The following EYA4 variants were observed in gnomAD, a reference collection of about 807,000 sequenced individuals.
EYA4 encodes the protein protein phosphatase EYA4.
Under a neutral mutation model 87.9 loss-of-function variants are expected in EYA4, and 31 were observed. The ratio of observed to expected loss-of-function variants is 0.35; its 90% CI spans 0.27 to 0.48. The LOEUF (loss-of-function observed/expected upper bound fraction) is 0.48, where lower values mean the gene tolerates loss of function less well. Among genes scored for constraint, EYA4 ranks in the 20% least tolerant of loss-of-function variants. EYA4 has a pLI of 0.99. For missense variants in EYA4, 678 were observed against 761.4 expected (o/e 0.89, Z 1.29); for synonymous variants, 263 against 270.6 (o/e 0.97, Z 0.28).
intron 3 of EYA4, among the ~76,000 whole-genome samples, chr6:133,423,065 G>A (rs376130702): frequency 1.1e-4 from 17 of 152,192 alleles, no homozygotes; most frequent in African/African-American, 3.9e-4. Context: ...CTAGATATGG[G>A]CGATGGGGAA....
chr6:133,452,424 C>CT (rs1173013369), intron 5 of EYA4, among the ~76,000 whole-genome samples: 1 of 152,046 alleles, frequency 6.6e-6, no homozygotes, highest in Admixed American at 6.5e-5. Flanking sequence ...TGAATATGAA[C>CT]TTTGAGTTAT....
At chr6:133,408,195 C>T (rs896557176) in intron 3 of EYA4, among the ~76,000 whole-genome samples, 1 of 152,130 alleles carries the variant, frequency 6.6e-6, no homozygotes, top group Non-Finnish European at 1.5e-5. Flanking sequence ...GTGAACAGAC[C>T]GTCCTTCCTC....
chr6:133,332,222 G>C (rs1782019843), intron 2 of EYA4, among the ~76,000 whole-genome samples: 1 of 152,188 alleles, frequency 6.6e-6, no homozygotes, highest in East Asian at 1.9e-4. Flanking sequence ...TGAAGCCAAG[G>C]AAATCAGGGT....
chr6:133,246,715 T>G (rs1774438611), intron 1 of EYA4: 1 of 152,194 alleles, frequency 6.6e-6, no homozygotes, highest in African/African-American at 2.4e-5. Context: ...TACTATAATA[T>G]TAATCACTAT....
chr6:133,512,622 T>A (rs1799254721), intron 14 of EYA4, 99 bp from the exon 15 acceptor site: 1 of 920,022 alleles, frequency 1.1e-6, no homozygotes, highest in East Asian at 2.4e-5. Flanking sequence ...GCTGCCATCT[T>A]CTGGTGGTAG....
intron 2 of EYA4, among the ~76,000 whole-genome samples, chr6:133,376,301 A>G (rs1785676198): frequency 6.6e-6 from 1 of 151,828 alleles, no homozygotes; most frequent in Non-Finnish European, 1.5e-5. Flanking sequence ...AAGAATATAT[A>G]TTAATAAATT....
intron 3 of EYA4, among the ~76,000 whole-genome samples, chr6:133,388,263 A>G (rs159413): frequency 2.0e-5 from 3 of 151,568 alleles, no homozygotes; most frequent in African/African-American, 7.3e-5. Context: ...AAAAATTAGT[A>G]GGGCATAGTG....
intron 2 of EYA4, among the ~76,000 whole-genome samples, chr6:133,314,032 A>G (rs1324740737): frequency 6.6e-6 from 1 of 152,178 alleles, no homozygotes; most frequent in African/African-American, 2.4e-5. Flanking sequence ...TATTTAAAAA[A>G]TCTTATTTTA....
In EYA4 at chr6:133,488,230, C is replaced by A. The variant is rs117408345; in HGVS notation, c.1191+5115C>A. On this transcript the variant is annotated intron_variant, in intron 13 of 19. Coordinates refer to ENST00000355286, the MANE Select transcript of EYA4 (RefSeq NM_004100.5). Reference sequence around the variant, plus strand: ...CTAGCTCAACCACAGTAGAATAGAGCAACAGGTAGTTTCCTAATAGAGCAC... The same window carrying A: ...CTAGCTCAACCACAGTAGAATAGAGAAACAGGTAGTTTCCTAATAGAGCAC... Among the ~76,000 whole-genome samples the A allele has an allele frequency of 4.5e-3, 684 of 152,156 alleles. 5 individuals are homozygous for A. Among genetic ancestry groups the A allele is most frequent in the Non-Finnish European group, 7.2e-3 (487 of 67,986 alleles).
chr6:133,483,773 G>C (rs1796457057), intron 13 of EYA4, among the ~76,000 whole-genome samples: 2 of 150,654 alleles, frequency 1.3e-5, no homozygotes, highest in African/African-American at 4.9e-5. Context: ...CCCCAGGCTA[G>C]AGTGCAGTGA....
intron 2 of EYA4, among the ~76,000 whole-genome samples, chr6:133,316,642 T>C (rs1185073115): frequency 1.3e-5 from 2 of 152,248 alleles, no homozygotes; most frequent in Non-Finnish European, 1.5e-5. Flanking sequence ...CCTGCTGTAC[T>C]TGTACATGGC....
chr6:133,271,473 T>A (rs748039137), intron 1 of EYA4, among the ~76,000 whole-genome samples: 3 of 152,170 alleles, frequency 2.0e-5, no homozygotes, highest in Non-Finnish European at 2.9e-5. Context: ...GGCAGAAGCA[T>A]TGCGTGCAGA....
At chr6:133,513,188 G>C (rs1799306987) in intron 16 of EYA4, 150 bp downstream of exon 16, 1 of 782,510 alleles carries the variant, frequency 1.3e-6, no homozygotes, top group African/African-American at 1.8e-5. Flanking sequence ...TAGAATTGGT[G>C]GGAAAAAATT....
intron 3 of EYA4, among the ~76,000 whole-genome samples, chr6:133,408,999 C>T (rs1255408332): frequency 1.3e-5 from 2 of 152,112 alleles, no homozygotes; most frequent in Non-Finnish European, 2.9e-5. Context: ...CTGTTCTGAT[C>T]TGGATTTTAT....
At chr6:133,505,739 T>G (rs1353568714) in intron 13 of EYA4, among the ~76,000 whole-genome samples, 7 of 152,174 alleles carry the variant, frequency 4.6e-5, no homozygotes, top group African/African-American at 1.7e-4. Context: ...TTTAGTAAGT[T>G]TGCTCCATTC....
At chr6:133,385,089 G>A (rs2128485148) in intron 3 of EYA4, among the ~76,000 whole-genome samples, 1 of 152,030 alleles carries the variant, frequency 6.6e-6, no homozygotes, top group East Asian at 1.9e-4. Context: ...GATGAGGTCA[G>A]GAGATCGAGA....
In EYA4 at chr6:133,530,767, A is replaced by C; in HGVS notation, c.*1962A>C. ...TCTAAACCTTAAACTTAATCCTTTA[A>C]ATTTTGTAGCTTTTGGCTGCATCTG... On this transcript the variant is annotated 3_prime_UTR_variant, in exon 20 of 20. Coordinates refer to ENST00000355286, the MANE Select transcript of EYA4 (RefSeq NM_004100.5). The C allele has an allele frequency of 1.0e-6, 1 of 987,136 alleles. No individual in the cohort carries two copies. Among genetic ancestry groups the C allele is most frequent in the East Asian group, 1.1e-4 (1 of 8,850 alleles). 61.1% of individuals were successfully genotyped at this position (987,136 alleles called of 1,614,324 possible). A position where few individuals can be genotyped will look rare whatever the true frequency, so the allele number is the denominator to read the frequency against.
At chr6:133,273,332 C>T (rs905620922) in intron 1 of EYA4, among the ~76,000 whole-genome samples, 13 of 151,970 alleles carry the variant, frequency 8.6e-5, no homozygotes, top group South Asian at 8.3e-4. Flanking sequence ...GCTTTATATT[C>T]GCTGGCAGCT....
chr6:133,243,576 T>G lies in EYA4; in HGVS notation c.-66+1827T>G, dbSNP rs1157926436. Among the ~76,000 whole-genome samples, 10 of 152,146 alleles carry G rather than the reference T, an allele frequency of 6.6e-5. No individual in the cohort carries two copies. The East Asian group carries it at 1.9e-3, about 29-fold the overall frequency. ...GTTTTTTTGTTTGTTGCGTTGTTTT[T>G]GTTTTTAAAACCTTAGGGAAGGGAT... is the stretch of plus-strand genomic sequence containing the variant. On this transcript the variant is annotated intron_variant, in intron 1 of 19. Transcript: ENST00000355286.
Sources: allele counts gnomAD v4.1 joint callset (sites outside exome capture counted in the v4.1 genomes callset), GRCh38; gene constraint gnomAD v4.1.1; transcripts MANE v1.5; gene names NCBI Gene and HGNC (gene_info 2026-07-23, HGNC 2026-07-21).